MPPED2: variants seen among roughly 807,000 people sequenced by gnomAD.
MPPED2 encodes metallophosphoesterase domain containing 2.
In MPPED2, 5 loss-of-function variants were observed where a neutral mutation model predicts 33.0. The ratio of observed to expected loss-of-function variants is 0.15; its 90% CI spans 0.08 to 0.32. The LOEUF is 0.32. MPPED2 is among the 10% of genes least tolerant of loss of function. MPPED2 has a pLI of 1.00. For synonymous variants in MPPED2, 136 were observed against 141.9 expected, an observed-to-expected ratio of 0.96 and a Z score of 0.29; for missense variants, 275 against 372.1, an observed-to-expected ratio of 0.74 and a Z score of 2.15.
chr11:30,404,116 G>T (rs1310685197), intron 6 of MPPED2, among the ~76,000 whole-genome samples: 2 of 152,166 alleles, frequency 1.3e-5, no homozygotes, highest in African/African-American at 4.8e-5. Context: ...TGGAGACCTG[G>T]CCTAGCTTCC....
chr11:30,516,196 A>T (rs1194419758), intron 3 of MPPED2, among the ~76,000 whole-genome samples: 2 of 152,162 alleles, frequency 1.3e-5, no homozygotes, highest in Non-Finnish European at 2.9e-5. Flanking sequence ...TCTCTCTGCC[A>T]CACCTGTGCT....
intron 3 of MPPED2, among the ~76,000 whole-genome samples, chr11:30,512,012 C>T (rs940382771): frequency 6.6e-6 from 1 of 152,154 alleles, no homozygotes; most frequent in East Asian, 1.9e-4. Context: ...TTCTTAGGCT[C>T]TATTTTTGTC....
intron 4 of MPPED2, among the ~76,000 whole-genome samples, chr11:30,445,825 A>G (rs916464170): frequency 1.3e-5 from 2 of 152,312 alleles, no homozygotes; most frequent in Non-Finnish European, 1.5e-5. Context: ...CATTTTAGGT[A>G]TCTATGTTTT....
chr11:30,478,837 G>A (rs987494354), intron 4 of MPPED2, among the ~76,000 whole-genome samples: 4 of 152,112 alleles, frequency 2.6e-5, no homozygotes, highest in Admixed American at 6.5e-5. Flanking sequence ...CGTTTTGAAC[G>A]GAAGAAGGAG....
At chr11:30,393,375 C>T (rs1229686076) in intron 6 of MPPED2, among the ~76,000 whole-genome samples, 1 of 152,178 alleles carries the variant, frequency 6.6e-6, no homozygotes, top group African/African-American at 2.4e-5. Flanking sequence ...CTAAAGCATG[C>T]CTCCAACTCA....
intron 6 of MPPED2, among the ~76,000 whole-genome samples, chr11:30,390,887 C>A (rs1947764927): frequency 6.6e-6 from 1 of 152,076 alleles, no homozygotes; most frequent in South Asian, 2.1e-4. Context: ...GTCAATGAGA[C>A]CAGTTTCTTT....
intron 3 of MPPED2, among the ~76,000 whole-genome samples, chr11:30,511,617 A>ACATGTG (rs1425437438): frequency 6.6e-6 from 1 of 152,170 alleles, no homozygotes; most frequent in Non-Finnish European, 1.5e-5. Context: ...CATGCACACC[A>ACATGTG]CATGTGCACG....
At chr11:30,391,011 G>A (rs1947766645) in intron 6 of MPPED2, among the ~76,000 whole-genome samples, 1 of 152,156 alleles carries the variant, frequency 6.6e-6, no homozygotes, top group Admixed American at 6.5e-5. Flanking sequence ...TCCCTGACAG[G>A]AGAGTGGCAA....
intron 4 of MPPED2, among the ~76,000 whole-genome samples, chr11:30,455,072 T>C (rs1020707676): frequency 5.9e-5 from 9 of 152,248 alleles, no homozygotes; most frequent in African/African-American, 2.2e-4. Flanking sequence ...GCAAAGCCTC[T>C]AGTATTTACA....
chr11:30,578,835 A>T (rs1957039297), intron 2 of MPPED2, among the ~76,000 whole-genome samples: 1 of 152,214 alleles, frequency 6.6e-6, no homozygotes, highest in Non-Finnish European at 1.5e-5. Flanking sequence ...TGAATTAAAC[A>T]GATATTTATT....
chr11:30,485,983 C>T (rs531978902), intron 4 of MPPED2, among the ~76,000 whole-genome samples: 3 of 152,204 alleles, frequency 2.0e-5, no homozygotes, highest in South Asian at 4.2e-4. Context: ...TCAGAAGGGG[C>T]GGAAGGATGT....
At chr11:30,420,200 T>G (rs1948550845) in intron 4 of MPPED2, among the ~76,000 whole-genome samples, 1 of 152,108 alleles carries the variant, frequency 6.6e-6, no homozygotes, top group Admixed American at 6.5e-5. Context: ...CAAGGGTCCC[T>G]AAAACTGGAA....
At chr11:30,437,417 T>A (rs1467563119) in intron 4 of MPPED2, among the ~76,000 whole-genome samples, 1 of 152,188 alleles carries the variant, frequency 6.6e-6, no homozygotes, top group Admixed American at 6.5e-5. Context: ...AAGTGAGACC[T>A]GAAAGCTTCT....
intron 2 of MPPED2, among the ~76,000 whole-genome samples, chr11:30,546,740 A>G (rs1955444772): frequency 6.6e-6 from 1 of 152,200 alleles, no homozygotes; most frequent in African/African-American, 2.4e-5. Context: ...ATTTTTTACT[A>G]CATAGGGGAC....
intron 2 of MPPED2, among the ~76,000 whole-genome samples, chr11:30,543,368 G>T (rs1327527560): frequency 6.6e-6 from 1 of 152,170 alleles, no homozygotes; most frequent in Non-Finnish European, 1.5e-5. Context: ...TCAGCTGTGT[G>T]ACCCTGGGCA....
chr11:30,506,104 T>C (rs1279780051), intron 3 of MPPED2, among the ~76,000 whole-genome samples: 12 of 152,162 alleles, frequency 7.9e-5, no homozygotes, highest in Admixed American at 4.6e-4. Context: ...GTGGCGCGAT[T>C]TCAGTTCACT....
chr11:30,478,075 A>G (rs1951306109), intron 4 of MPPED2, among the ~76,000 whole-genome samples: 1 of 152,088 alleles, frequency 6.6e-6, no homozygotes, highest in Non-Finnish European at 1.5e-5. Flanking sequence ...CCGTTTTACT[A>G]AACTGTGGCT....
At chr11:30,503,252 C>T (rs1026630608) in intron 3 of MPPED2, among the ~76,000 whole-genome samples, 6 of 152,044 alleles carry the variant, frequency 3.9e-5, no homozygotes, top group Admixed American at 1.3e-4. Context: ...CTTCCCCTTC[C>T]GCCATGATTA....
At chr11:30,448,110 G>A (rs1046153819) in intron 4 of MPPED2, among the ~76,000 whole-genome samples, 9 of 152,202 alleles carry the variant, frequency 5.9e-5, no homozygotes, top group Admixed American at 2.6e-4. Flanking sequence ...TTTTTCAGAC[G>A]TGAATGAGCA....
Sources: gnomAD v4.1 joint callset for allele counts (sites outside exome capture counted in the v4.1 genomes callset) on GRCh38, gnomAD v4.1.1 for gene constraint, MANE v1.5 for transcripts, NCBI Gene and HGNC (gene_info 2026-07-23, HGNC 2026-07-21) for gene names.